Variants in PGCKA1 observed in about 807,000 individuals in gnomAD.
The protein encoded by PGCKA1 is PDCD10 and GCKIII kinases associated 1.
chr4:37,530,155 C>T, the PGCKA1 span, among the ~76,000 whole-genome samples: 5 of 152,348 alleles, frequency 3.3e-5, no homozygotes, highest in African/African-American at 1.2e-4. Context: ...GTCTTCCTAA[C>T]TTCTAGCACG....
chr4:37,555,720 A>G, the PGCKA1 span, among the ~76,000 whole-genome samples: 68,674 of 151,918 alleles, frequency 0.45, 15,862 homozygotes, highest in African/African-American at 0.53. Context: ...ATGCTGTTGG[A>G]CTGGTAGCTG....
the PGCKA1 span, among the ~76,000 whole-genome samples, chr4:37,510,622 T>C: frequency 6.7e-6 from 1 of 149,088 alleles, no homozygotes; most frequent in Non-Finnish European, 1.5e-5. Flanking sequence ...CAGTGCCCCC[T>C]GTGACCACTA....
chr4:37,488,436 C>T, the PGCKA1 span, among the ~76,000 whole-genome samples: 453 of 152,272 alleles, frequency 3.0e-3, 5 homozygotes, highest in African/African-American at 0.01. Flanking sequence ...ACCCAAACGG[C>T]CTGCATTCTG....
the PGCKA1 span, among the ~76,000 whole-genome samples, chr4:37,491,086 G>A: frequency 6.6e-6 from 1 of 152,072 alleles, no homozygotes; most frequent in Non-Finnish European, 1.5e-5. Flanking sequence ...GATTTCATAA[G>A]GTTCCTTAAG....
chr4:37,498,182 A>G, the PGCKA1 span, among the ~76,000 whole-genome samples: 1 of 151,930 alleles, frequency 6.6e-6, no homozygotes, highest in East Asian at 1.9e-4. Context: ...TCCCCATTTT[A>G]TGTTTTTGTT....
the PGCKA1 span, among the ~76,000 whole-genome samples, chr4:37,499,052 A>G: frequency 6.6e-6 from 1 of 152,196 alleles, no homozygotes; most frequent in Non-Finnish European, 1.5e-5. Context: ...GAATTTTATC[A>G]AAAGCCATTT....
the PGCKA1 span, among the ~76,000 whole-genome samples, chr4:37,475,048 C>T: frequency 3.3e-5 from 5 of 152,228 alleles, no homozygotes; most frequent in Admixed American, 6.5e-5. Context: ...GAAGGTACAT[C>T]AGCAGAATCA....
At chr4:37,546,669 A>C in the PGCKA1 span, among the ~76,000 whole-genome samples, 1 of 152,136 alleles carries the variant, frequency 6.6e-6, no homozygotes, top group Admixed American at 6.5e-5. Context: ...ATCCTGCTAC[A>C]TTTCTTGGTT....
At chr4:37,558,963 G>A in the PGCKA1 span, among the ~76,000 whole-genome samples, 4 of 109,632 alleles carry the variant, frequency 3.6e-5, no homozygotes, top group African/African-American at 1.1e-4. Flanking sequence ...TGGAGAGGAT[G>A]TGGAGAAATA....
the PGCKA1 span, among the ~76,000 whole-genome samples, chr4:37,458,038 T>G: frequency 6.6e-6 from 1 of 152,194 alleles, no homozygotes; most frequent in South Asian, 2.1e-4. Flanking sequence ...AAGGAAGAAG[T>G]ACTGCCTTTT....
At chr4:37,516,241 G>C in the PGCKA1 span, among the ~76,000 whole-genome samples, 6 of 152,130 alleles carry the variant, frequency 3.9e-5, no homozygotes, top group Non-Finnish European at 8.8e-5. Context: ...CAATAGTCTG[G>C]GTATCACCTG....
chr4:37,593,306 G>T, the PGCKA1 span, among the ~76,000 whole-genome samples: 1 of 152,040 alleles, frequency 6.6e-6, no homozygotes, highest in Non-Finnish European at 1.5e-5. Context: ...ATCCAGGGTG[G>T]TAGAGAATGT....
the PGCKA1 span, among the ~76,000 whole-genome samples, chr4:37,501,640 T>C: frequency 6.6e-6 from 1 of 152,228 alleles, no homozygotes; most frequent in East Asian, 1.9e-4. Context: ...GGAACTCTTG[T>C]AAGGCAGGAC....
chr4:37,494,114 C>T, the PGCKA1 span, among the ~76,000 whole-genome samples: 16 of 152,126 alleles, frequency 1.1e-4, no homozygotes, highest in African/African-American at 3.4e-4. Context: ...CTGGATTGCA[C>T]GGTAGCTCTA....
At chr4:37,526,697 G>A in the PGCKA1 span, among the ~76,000 whole-genome samples, 2 of 152,158 alleles carry the variant, frequency 1.3e-5, no homozygotes, top group Non-Finnish European at 2.9e-5. Context: ...TGTTTGTGAT[G>A]ATGCTGTTGT....
chr4:37,462,513 G>A, the PGCKA1 span, among the ~76,000 whole-genome samples: 1 of 152,076 alleles, frequency 6.6e-6, no homozygotes, highest in African/African-American at 2.4e-5. Flanking sequence ...TTATATTGGT[G>A]GTTTGAAGTA....
At chr4:37,575,868 G>T in the PGCKA1 span, among the ~76,000 whole-genome samples, 1 of 152,188 alleles carries the variant, frequency 6.6e-6, no homozygotes, top group East Asian at 1.9e-4. Context: ...CCTTTCCCCA[G>T]TGTATGTTCT....
chr4:37,515,831 C>T, the PGCKA1 span, among the ~76,000 whole-genome samples: 1 of 152,110 alleles, frequency 6.6e-6, no homozygotes, highest in Admixed American at 6.6e-5. Context: ...TGAAGTTTGC[C>T]ACTTTTACTT....
the PGCKA1 span, among the ~76,000 whole-genome samples, chr4:37,503,724 G>A: frequency 2.6e-5 from 4 of 152,104 alleles, no homozygotes; most frequent in East Asian, 5.8e-4. Context: ...ACCTTTTCAT[G>A]TACCTGTTTC....
Sources: allele counts gnomAD v4.1 joint callset (sites outside exome capture counted in the v4.1 genomes callset), GRCh38; gene constraint gnomAD v4.1.1; transcripts MANE v1.5; gene names NCBI Gene and HGNC (gene_info 2026-07-23, HGNC 2026-07-21).